Variants in MDGA2 observed in about 807,000 individuals in gnomAD.
MDGA2 encodes the protein MAM domain containing glycosylphosphatidylinositol anchor 2, also known as MAM domain-containing glycosylphosphatidylinositol anchor protein 2.
In MDGA2, 40 loss-of-function variants were observed where a neutral mutation model predicts 117.8. That is an observed-to-expected ratio of 0.34 (90% CI 0.26 to 0.44). The LOEUF (loss-of-function observed/expected upper bound fraction) is 0.44, where lower values mean the gene tolerates loss of function less well. Among genes scored for constraint, MDGA2 ranks in the 20% least tolerant of loss-of-function variants. The pLI is 1.00. For missense variants in MDGA2, 1,123 were observed against 1,250.6 expected (o/e 0.90, Z 1.54); for synonymous variants, 452 against 439.0 (o/e 1.03, Z -0.37).
At chr14:47,309,216 G>A (rs1223909059) in intron 1 of MDGA2, among the ~76,000 whole-genome samples, 1 of 152,052 alleles carries the variant, frequency 6.6e-6, no homozygotes. Flanking sequence ...TTTTAAGTCA[G>A]ACTGCAGATC....
intron 1 of MDGA2, among the ~76,000 whole-genome samples, chr14:47,589,039 G>A (rs972080296): frequency 3.3e-5 from 5 of 151,760 alleles, no homozygotes; most frequent in South Asian, 4.2e-4. Flanking sequence ...TAATCTTGAG[G>A]TTACATTGGG....
At chr14:47,488,309 G>A (rs1325155646) in intron 1 of MDGA2, among the ~76,000 whole-genome samples, 1 of 152,080 alleles carries the variant, frequency 6.6e-6, no homozygotes, top group Non-Finnish European at 1.5e-5. Context: ...CAAAGCAAGA[G>A]ACATAAGCTG....
chr14:47,189,680 T>G (rs1180203643), intron 3 of MDGA2, among the ~76,000 whole-genome samples: 2 of 152,186 alleles, frequency 1.3e-5, no homozygotes, highest in Non-Finnish European at 2.9e-5. Flanking sequence ...ATCCCATAAT[T>G]GTTTCCTAAA....
intron 1 of MDGA2, among the ~76,000 whole-genome samples, chr14:47,420,022 T>C (rs1026830010): frequency 3.9e-5 from 6 of 152,266 alleles, no homozygotes; most frequent in African/African-American, 1.4e-4. Context: ...AAAACGATTG[T>C]CAACTTTATA....
intron 1 of MDGA2, among the ~76,000 whole-genome samples, chr14:47,341,283 G>A (rs533979140): frequency 2.0e-5 from 3 of 152,158 alleles, no homozygotes; most frequent in South Asian, 2.1e-4. Flanking sequence ...AATAATATTC[G>A]CCATAAGAAA....
In MDGA2 at chr14:47,385,336, A is replaced by C. The variant is rs534822528; in HGVS notation, c.281-83786T>G. Reference sequence around the variant, plus strand: ...GAAACTGACATTCATTCCCTTAGGTACAGTAAAATTATTTTAGTAAAAATT... The same window carrying C: ...GAAACTGACATTCATTCCCTTAGGTCCAGTAAAATTATTTTAGTAAAAATT... On this transcript the variant is annotated intron_variant, in intron 1 of 16. Coordinates refer to ENST00000399232, the MANE Select transcript of MDGA2 (RefSeq NM_001113498.3). Among the ~76,000 whole-genome samples, 6 of 152,168 alleles carry C rather than the reference A, an allele frequency of 3.9e-5. No homozygotes were observed. The East Asian group carries it at 1.2e-3, about 29-fold the overall frequency.
At chr14:47,130,829 TAG>T (rs1882166424) in intron 5 of MDGA2, among the ~76,000 whole-genome samples, 1 of 152,102 alleles carries the variant, frequency 6.6e-6, no homozygotes, top group East Asian at 1.9e-4. Context: ...CCCACACTTT[TAG>T]AGATTTTTGT....
intron 1 of MDGA2, among the ~76,000 whole-genome samples, chr14:47,465,350 A>G (rs1450733765): frequency 6.6e-6 from 1 of 152,220 alleles, no homozygotes; most frequent in Non-Finnish European, 1.5e-5. Context: ...ATTGAACTCA[A>G]GAGCTTCTGC....
intron 1 of MDGA2, among the ~76,000 whole-genome samples, chr14:47,614,144 C>G (rs1018699187): frequency 3.0e-5 from 4 of 133,954 alleles, no homozygotes; most frequent in Non-Finnish European, 6.1e-5. Flanking sequence ...AAAAGTGGTG[C>G]AATGGTGCGA....
At chr14:47,164,084 GAGTC>G (rs1883759544) in intron 3 of MDGA2, among the ~76,000 whole-genome samples, 1 of 152,206 alleles carries the variant, frequency 6.6e-6, no homozygotes, top group African/African-American at 2.4e-5. Context: ...GTTAGTAGGT[GAGTC>G]AGTAAGTTAG....
chr14:46,938,706 GT>G (rs1286822821), intron 9 of MDGA2, among the ~76,000 whole-genome samples: 13 of 151,958 alleles, frequency 8.6e-5, no homozygotes, highest in Admixed American at 8.5e-4. Flanking sequence ...AAGTATGGAG[GT>G]TCCTCAAAAA....
At chr14:47,188,057 T>C (rs1360677697) in intron 3 of MDGA2, among the ~76,000 whole-genome samples, 2 of 152,192 alleles carry the variant, frequency 1.3e-5, no homozygotes, top group African/African-American at 4.8e-5. Flanking sequence ...AGAGATTTTA[T>C]AAAAATGACT....
intron 1 of MDGA2, among the ~76,000 whole-genome samples, chr14:47,480,695 A>G (rs1594879283): frequency 1.3e-5 from 2 of 151,864 alleles, no homozygotes; most frequent in South Asian, 4.1e-4. Context: ...AACTTAGTCC[A>G]CCAGAAGTGG....
In MDGA2 at chr14:47,115,113, AAAAT is replaced by A. The variant is rs769723436; in HGVS notation, c.925+16597_925+16600del. Among the ~76,000 whole-genome samples, 18 of 152,118 alleles carry A rather than the reference AAAAT, an allele frequency of 1.2e-4. 1 individual carries two copies. Among genetic ancestry groups the A allele is most frequent in the Admixed American group, 4.6e-4 (7 of 15,256 alleles). ...ATACACTCTAGACTAAAGGGCAGAT[AAAAT>A]AAATAAAAGCATTCAAATTACATAT... On this transcript the variant is annotated intron_variant, in intron 5 of 16. Coordinates refer to ENST00000399232, the MANE Select transcript of MDGA2 (RefSeq NM_001113498.3).
intron 9 of MDGA2, among the ~76,000 whole-genome samples, chr14:46,930,186 A>G (rs904706682): frequency 6.6e-6 from 1 of 152,166 alleles, no homozygotes; most frequent in Non-Finnish European, 1.5e-5. Flanking sequence ...CAAAAGTTTA[A>G]TAAGTTTAAC....
At chr14:47,439,325 CTGTT>C (rs1224402749) in intron 1 of MDGA2, among the ~76,000 whole-genome samples, 1 of 151,964 alleles carries the variant, frequency 6.6e-6, no homozygotes, top group Admixed American at 6.6e-5. Flanking sequence ...TTTTGTGCCT[CTGTT>C]TGTGTGTGTA....
chr14:47,145,614 T>G lies in MDGA2; in HGVS notation c.596-1340A>C, dbSNP rs78493936. On this transcript the variant is annotated intron_variant, in intron 3 of 16. Transcript: ENST00000399232. ...CTTCACCCAGCTTTACCCCTTTTAA[T>G]TATAACCAAGAAAGGTTACTTAACT... Among the ~76,000 whole-genome samples the G allele has an allele frequency of 4.4e-3, 676 of 152,296 alleles. 6 individuals carry two copies. The highest frequency in any genetic ancestry group is 0.015 in the African/African-American group (625 of 41,572).
intron 5 of MDGA2, among the ~76,000 whole-genome samples, chr14:47,112,015 G>T (rs111594267): frequency 3.3e-5 from 5 of 152,228 alleles, no homozygotes; most frequent in African/African-American, 9.6e-5. Flanking sequence ...CTTACTGTCT[G>T]CCCAGGCTAA....
At chr14:47,324,720 T>C (rs946786146) in intron 1 of MDGA2, among the ~76,000 whole-genome samples, 2 of 152,212 alleles carry the variant, frequency 1.3e-5, no homozygotes, top group African/African-American at 4.8e-5. Context: ...TTATCTTTTA[T>C]AAATGGTTTT....
Sources: allele counts gnomAD v4.1 joint callset (sites outside exome capture counted in the v4.1 genomes callset), GRCh38; gene constraint gnomAD v4.1.1; transcripts MANE v1.5; gene names NCBI Gene and HGNC (gene_info 2026-07-23, HGNC 2026-07-21).